The following INF2 variants were observed in gnomAD, a reference collection of about 807,000 sequenced individuals.
INF2 encodes the protein inverted formin-2.
In INF2, 43 loss-of-function variants were observed where a neutral mutation model predicts 123.5. The ratio of observed to expected loss-of-function variants is 0.35; its 90% CI spans 0.27 to 0.45. The LOEUF (loss-of-function observed/expected upper bound fraction) is 0.45. Among genes scored for constraint, INF2 ranks in the 20% least tolerant of loss-of-function variants. The pLI is 1.00. For synonymous variants in INF2, 851 were observed against 745.0 expected (o/e 1.14, Z -2.32); for missense variants, 1,453 against 1,682.7 (o/e 0.86, Z 2.39).
chr14:104,714,878 G>C, intron 21 of INF2, 22 bp downstream of exon 21: 1 of 1,520,732 alleles, frequency 6.6e-7, no homozygotes, highest in Non-Finnish European at 8.8e-7. Context: ...AGGGGCCCCG[G>C]GCACCGTCCC....
At position 104,713,622 on chromosome 14, in the gene INF2, A is replaced by G. The variant is rs367565825; in HGVS notation, c.3040+16A>G. 2.8e-4 allele frequency: 447 copies of G among 1,610,622 alleles called. No individual in the cohort carries two copies. The highest frequency in any genetic ancestry group is 3.4e-4 in the Non-Finnish European group (405 of 1,178,564). ...ACAGAGCCTGGTAAGACCCTCTCCC[A>G]CTGCCTCCTCATGGTCCCCTTGCCA... On this transcript the variant is annotated intron_variant, in intron 20 of 22. Transcript: ENST00000392634.
At position 104,708,008 on chromosome 14, in the gene INF2, G is replaced by A; in HGVS notation, c.1735+6G>A. On this transcript the variant is annotated splice_donor_region_variant and intron_variant, in intron 8 of 22. Transcript: ENST00000392634. ...GCCATCCAACGTGGCACGTGGTGAG[G>A]GTCCCCAGACCCCCAAGGGAAGCTT... is the stretch of plus-strand genomic sequence containing the variant. The A allele has an allele frequency of 6.3e-7, 1 of 1,598,136 alleles. No homozygotes were observed. The highest frequency in any genetic ancestry group is 8.5e-7 in the Non-Finnish European group (1 of 1,179,708).
chr14:104,712,346 CCGG>C (rs1890091398), intron 16 of INF2, 84 bp from the exon 17 acceptor site: 2 of 1,566,682 alleles, frequency 1.3e-6, no homozygotes, highest in African/African-American at 2.7e-5. Flanking sequence ...CAGTGGGGTG[CCGG>C]GGGGTGCAGG....
Position 104,714,813 on chromosome 14 carries a change from G to A in INF2, c.3651G>A (p.Gly1217=), listed in dbSNP as rs763987103. 3 of 1,595,444 alleles carry A rather than the reference G, an allele frequency of 1.9e-6. No individual in the cohort carries two copies. The highest frequency in any genetic ancestry group is 2.6e-6 in the Non-Finnish European group (3 of 1,173,508). The change falls in exon 21 of 23, where the codon GGG becomes GGA. Residue 1217 remains glycine (G), a synonymous_variant. Coordinates refer to ENST00000392634, the MANE Select transcript of INF2 (RefSeq NM_022489.4). ...GGGCCCGGGGCCGGGCCTCAAAGGG[G>A]ACCGGGAAGCGAAGGAAGAAGCGTC... is the stretch of plus-strand genomic sequence containing the variant. ...LPRARGRASK[G]TGKRRKKRPS...
At position 104,722,124 on chromosome 14, in the gene INF2, G is replaced by A. The variant is rs1437901866; in HGVS notation, c.*3331G>A. 1.3e-5 allele frequency: 2 copies of A among 152,402 alleles called. No homozygotes were observed. Among genetic ancestry groups the A allele is most frequent in the African/African-American group, 4.8e-5 (2 of 41,472 alleles). The allele number at this position is 152,402 out of a possible 1,614,324, so 9.4% of individuals were successfully genotyped here. ...CACACCTGGGGACAGGCCCACTGTG[G>A]GGGGTAAGGGGTGGAGGTGTTCTAA... On this transcript the variant is annotated 3_prime_UTR_variant, in exon 23 of 23. Transcript: ENST00000392634.
Position 104,701,632 on chromosome 14 carries a change from T to C in INF2, c.267T>C (p.Val89=), listed in dbSNP as rs1203347305. 11 of 1,601,338 alleles carry C rather than the reference T, an allele frequency of 6.9e-6. No individual in the cohort carries two copies. Among genetic ancestry groups the C allele is most frequent in the Admixed American group, 3.4e-5 (2 of 59,558 alleles). ...TGGCGCGGCTGTCGGGCCGCGGCGT[T>C]GCACGTATCTCCGACGCCCTGCTGC... ...EALARLSGRG[V]ARISDALLQL... The change falls in exon 2 of 23, where the codon GTT becomes GTC. Residue 89 remains valine (V), a synonymous_variant. Coordinates refer to ENST00000392634, the MANE Select transcript of INF2 (RefSeq NM_022489.4).
chr14:104,694,709 C>G (rs1294535128), intron 1 of INF2, among the ~76,000 whole-genome samples: 2 of 152,156 alleles, frequency 1.3e-5, no homozygotes, highest in Non-Finnish European at 2.9e-5. Context: ...AGCCCCTGGC[C>G]GTGCTGGGTG....
chr14:104,716,123 G>A (rs77125530), intron 22 of INF2: 6,144 of 360,848 alleles, frequency 0.017, 348 homozygotes, highest in African/African-American at 0.12. Flanking sequence ...CAGCCCGGCC[G>A]ATCATGAGCT....
chr14:104,708,623 T>C, intron 9 of INF2, 36 bp downstream of exon 9: 1 of 1,612,698 alleles, frequency 6.2e-7, no homozygotes, highest in Non-Finnish European at 8.5e-7. Flanking sequence ...CGGGGCCGCC[T>C]GCCTGGCCAC....
At position 104,707,032 on chromosome 14, in the gene INF2, C is replaced by T. The variant is rs774024906; in HGVS notation, c.966C>T (p.Ala322=). 37 of 1,584,024 alleles carry T rather than the reference C, an allele frequency of 2.3e-5. No homozygotes were observed. In the African/African-American group the frequency reaches 2.7e-4, roughly 11 times the overall value. Residue 322 remains alanine (A), a synonymous_variant, in exon 7 of 23, where the codon GCC becomes GCT. Transcript: ENST00000392634. ...CCCTGGAGAGCCTCGTGAACCGGGC[C>T]GTGCTCCTGGCCAGCGATGGTGAGG... ...WEALESLVNR[A]VLLASDAQEC...
chr14:104,699,301 C>T lies in INF2; in HGVS notation c.-9-2056C>T, dbSNP rs938866457. 7 of 711,706 alleles carry T rather than the reference C, an allele frequency of 9.8e-6. No homozygotes were observed. The highest frequency in any genetic ancestry group is 1.3e-4 in the East Asian group (1 of 7,456). 44.1% of individuals were successfully genotyped at this position (711,706 alleles called of 1,614,324 possible). ...GCCTGTGCCAAGGGGACAGGGACTCCGGCCAATGGAGGCGGGGGAGGAAAG... is the reference window on the plus strand; with the variant it reads ...GCCTGTGCCAAGGGGACAGGGACTCTGGCCAATGGAGGCGGGGGAGGAAAG... On this transcript the variant is annotated intron_variant, in intron 1 of 22. Transcript: ENST00000392634. This position sits in a 1 kb window ranked among gnomAD's most constrained non-coding sequence, Gnocchi z 4.7.
In INF2 at chr14:104,709,130, A is replaced by G. The variant is rs149470784; in HGVS notation, c.1950-151A>G. Reference sequence around the variant, plus strand: ...CAGCCTGGGTCCCCTTCACCGCGTGACCGTGGGCAACAACTCGACTGTTCT... The same window carrying G: ...CAGCCTGGGTCCCCTTCACCGCGTGGCCGTGGGCAACAACTCGACTGTTCT... On this transcript the variant is annotated intron_variant, in intron 10 of 22. Coordinates refer to ENST00000392634, the MANE Select transcript of INF2 (RefSeq NM_022489.4). 2.2e-3 allele frequency: 1,435 copies of G among 655,250 alleles called. 14 individuals are homozygous for G. In the African/African-American group the frequency reaches 0.022, roughly 10 times the overall value. 40.6% of individuals were successfully genotyped at this position (655,250 alleles called of 1,614,324 possible).
rs1332159363 is a variant in INF2, at chr14:104,707,645, C to A, written c.1378C>A (p.Pro460Thr). 1 of 947,134 alleles carries A rather than the reference C, an allele frequency of 1.1e-6. No individual in the cohort carries two copies. The highest frequency in any genetic ancestry group is 1.8e-5 in the African/African-American group (1 of 56,238). 58.7% of individuals were successfully genotyped at this position (947,134 alleles called of 1,614,324 possible). ...TAAGGCCCTCCCAACAGCACCCCCG[C>A]CCCCACCCCTGCCAGGCCTGGGGGC... ...GAKALPTAPP[P>T]PPLPGLGAMA... is the part of the protein sequence containing the mutation. The change falls in exon 8 of 23, where the codon CCC (proline) becomes ACC (threonine). Residue 460 changes from proline to threonine, a missense_variant. Around this residue, in one of 8 missense-constraint regions of INF2, gnomAD observed 374 missense variants for 303.7 expected, o/e 1.23. Transcript: ENST00000392634.
chr14:104,712,727 G>A (rs1486660861), intron 17 of INF2, 101 bp from the exon 18 acceptor site: 4 of 1,479,320 alleles, frequency 2.7e-6, no homozygotes, highest in African/African-American at 1.4e-5. Context: ...CCGTCCTCAG[G>A]GCCTGTCCCT....
intron 1 of INF2, chr14:104,690,875 C>T (rs1888911968): frequency 6.6e-6 from 1 of 152,366 alleles, no homozygotes; most frequent in East Asian, 1.9e-4. Flanking sequence ...GGTGCTCAGC[C>T]CCCAGTGCAG....
rs760664321 is a variant in INF2, at chr14:104,707,264, A to G, written c.997A>G (p.Thr333Ala). ...VLLASDAQEC[T>A]LEEVVERLLS... ...ATCCCCTACTGCAGCCCAGGAATGCACCCTGGAGGAAGTGGTTGAGCGGCT... is the reference window on the plus strand; with the variant it reads ...ATCCCCTACTGCAGCCCAGGAATGCGCCCTGGAGGAAGTGGTTGAGCGGCT... Residue 333 changes from threonine to alanine, a missense_variant, in exon 8 of 23, where the codon ACC becomes GCC. This residue lies in a region of INF2 where 374 missense variants were observed against 303.7 expected (regional missense o/e 1.23). Transcript: ENST00000392634. 5 of 1,608,990 alleles carry G rather than the reference A, an allele frequency of 3.1e-6. No homozygotes were observed. The highest frequency in any genetic ancestry group is 2.7e-5 in the African/African-American group (2 of 74,750).
chr14:104,683,179 G>A (rs1264061499), intron 1 of INF2, among the ~76,000 whole-genome samples: 1 of 139,940 alleles, frequency 7.1e-6, no homozygotes, highest in African/African-American at 2.6e-5. Context: ...GCGGGTGGCT[G>A]CAATGGGGGA....
rs372735722 is a variant in INF2 at position 104,713,545 on chromosome 14, C to T, written c.2979C>T (p.Arg993=). The T allele has an allele frequency of 6.8e-6, 11 of 1,611,630 alleles. No individual in the cohort carries two copies. The highest frequency in any genetic ancestry group is 9.3e-6 in the Non-Finnish European group (11 of 1,179,526). Residue 993 remains arginine, a synonymous_variant, in exon 20 of 23, where the codon CGC becomes CGT. Transcript: ENST00000392634. ...AGCTGCGGAAGACAGCCCGGGGCCG[C>T]GGGGACACCGACGGGGGCAGCAAGG... ...GFQLRKTARG[R]GDTDGGSKAA...
intron 5 of INF2, chr14:104,704,599 C>T (rs1454739345): frequency 6.5e-6 from 1 of 153,844 alleles, no homozygotes; most frequent in Non-Finnish European, 1.4e-5. Flanking sequence ...AATCTAATGC[C>T]TGATGATCGG....
Sources: allele counts gnomAD v4.1 joint callset (sites outside exome capture counted in the v4.1 genomes callset), GRCh38; gene constraint gnomAD v4.1.1; regional missense constraint gnomAD v4.1.1; non-coding constraint Gnocchi (gnomAD v3.1); transcripts MANE v1.5; gene names NCBI Gene and HGNC (gene_info 2026-07-23, HGNC 2026-07-21).